The following GRIN2A variants were observed in gnomAD, a reference collection of about 807,000 sequenced individuals.
The protein encoded by GRIN2A is glutamate receptor ionotropic, NMDA 2A.
Under a neutral mutation model 113.4 loss-of-function variants are expected in GRIN2A, and 22 were observed. The observed-to-expected ratio is 0.19, with a 90% confidence interval of 0.14 to 0.28. GRIN2A has a LOEUF of 0.28. GRIN2A is among the 10% of genes least tolerant of loss of function. The pLI is 1.00. For missense variants in GRIN2A, 1,502 were observed against 1,887.0 expected (o/e 0.80, Z 3.78); for synonymous variants, 827 against 738.4 (o/e 1.12, Z -1.94).
intron 4 of GRIN2A, among the ~76,000 whole-genome samples, chr16:9,863,044 A>G (rs2043097923): frequency 6.6e-6 from 1 of 152,190 alleles, no homozygotes; most frequent in Non-Finnish European, 1.5e-5. Flanking sequence ...CAAACAGGGA[A>G]TTTAAGTGAC....
At chr16:9,907,476 G>T (rs1298023532) in intron 3 of GRIN2A, among the ~76,000 whole-genome samples, 1 of 152,122 alleles carries the variant, frequency 6.6e-6, no homozygotes, top group African/African-American at 2.4e-5. Flanking sequence ...AAGTGTGGCT[G>T]TAAGTAGACA....
In GRIN2A at chr16:9,925,467, C is replaced by T. The variant is rs377442584; in HGVS notation, c.1007+12492G>A. Among the ~76,000 whole-genome samples the T allele has an allele frequency of 1.2e-3, 179 of 152,244 alleles. 2 individuals carry two copies. In the South Asian group the frequency reaches 0.026, roughly 22 times the overall value. ...TGGGCCTTAGGCAGATCTCCATTTA[C>T]GCGGATCACTTTTCTCAGGTACTCT... On this transcript the variant is annotated intron_variant, in intron 3 of 12. Coordinates refer to ENST00000330684, the MANE Select transcript of GRIN2A (RefSeq NM_001134407.3).
chr16:9,922,590 C>A (rs749045868), intron 3 of GRIN2A, among the ~76,000 whole-genome samples: 1 of 152,170 alleles, frequency 6.6e-6, no homozygotes, highest in Non-Finnish European at 1.5e-5. Flanking sequence ...CCTGACTGTT[C>A]TGAGCAGCAA....
intron 4 of GRIN2A, among the ~76,000 whole-genome samples, chr16:9,879,516 T>G (rs187642262): frequency 6.6e-6 from 1 of 152,326 alleles, no homozygotes; most frequent in Admixed American, 6.5e-5. Context: ...TTCTCTCAGA[T>G]TCCGCGGCCA....
At chr16:9,980,384 T>A (rs36061863) in intron 2 of GRIN2A, among the ~76,000 whole-genome samples, 23,801 of 152,138 alleles carry the variant, frequency 0.16, 2,298 homozygotes, top group East Asian at 0.4. Context: ...TTTACACTGT[T>A]GGTGGGACTG....
intron 2 of GRIN2A, among the ~76,000 whole-genome samples, chr16:10,126,557 T>C (rs952364911): frequency 4.6e-5 from 7 of 152,230 alleles, no homozygotes; most frequent in Admixed American, 2.6e-4. Flanking sequence ...TATTCTCTAA[T>C]CACATGTTAC....
intron 4 of GRIN2A, among the ~76,000 whole-genome samples, chr16:9,881,523 T>C (rs2043480490): frequency 6.6e-6 from 1 of 152,186 alleles, no homozygotes; most frequent in Admixed American, 6.5e-5. Flanking sequence ...GAGGCAGGGC[T>C]AAGGCCTTTA....
At chr16:9,994,817 T>G (rs1439379104) in intron 2 of GRIN2A, among the ~76,000 whole-genome samples, 1 of 152,232 alleles carries the variant, frequency 6.6e-6, no homozygotes, top group African/African-American at 2.4e-5. Flanking sequence ...CTTTTTCCAG[T>G]GTCTCCTGTT....
At chr16:10,089,040 G>A (rs951972039) in intron 2 of GRIN2A, among the ~76,000 whole-genome samples, 1 of 152,148 alleles carries the variant, frequency 6.6e-6, no homozygotes, top group Non-Finnish European at 1.5e-5. Flanking sequence ...TAAAAAATGG[G>A]ATGACAATAA....
rs2141128690 is a variant in GRIN2A at position 9,763,650 on chromosome 16, T to C, written c.3894A>G (p.Lys1298=). ...RQHSYDNIVD[K]PRELDLSRPS... is the part of the protein sequence containing the mutation. Reference sequence around the variant, plus strand: ...GCCTGCTAAGGTCTAGCTCCCTAGGTTTGTCGACAATGTTATCGTAGGAAT... The same window carrying C: ...GCCTGCTAAGGTCTAGCTCCCTAGGCTTGTCGACAATGTTATCGTAGGAAT... Residue 1298 remains lysine (K), a synonymous_variant, in exon 13 of 13, where the codon AAA becomes AAG. Coordinates refer to ENST00000330684, the MANE Select transcript of GRIN2A (RefSeq NM_001134407.3). 1 of 1,613,356 alleles carries C rather than the reference T, an allele frequency of 6.2e-7. No individual in the cohort carries two copies. Among genetic ancestry groups the C allele is most frequent in the Non-Finnish European group, 8.5e-7 (1 of 1,179,972 alleles).
chr16:9,943,541 C>T (rs2044941664), intron 2 of GRIN2A, among the ~76,000 whole-genome samples: 1 of 152,178 alleles, frequency 6.6e-6, no homozygotes, highest in Non-Finnish European at 1.5e-5. Flanking sequence ...ACTTACATTC[C>T]ATTTACCCAT....
intron 2 of GRIN2A, among the ~76,000 whole-genome samples, chr16:10,034,930 T>C (rs2046997736): frequency 6.6e-6 from 1 of 152,232 alleles, no homozygotes; most frequent in Non-Finnish European, 1.5e-5. Context: ...CCTACAGTAA[T>C]CTTTCTAAAA....
Position 9,849,980 on chromosome 16 carries a change from G to C in GRIN2A, c.1123-19C>G, listed in dbSNP as rs188450053. The C allele has an allele frequency of 6.2e-7, 1 of 1,603,826 alleles. No homozygotes were observed. Among genetic ancestry groups the C allele is most frequent in the Non-Finnish European group, 8.5e-7 (1 of 1,170,936 alleles). ...TGCCCACCTGCAGCACAAACACAAAGACACAGCTGTGCTTTCTTCCGCCGC... is the reference window on the plus strand; with the variant it reads ...TGCCCACCTGCAGCACAAACACAAACACACAGCTGTGCTTTCTTCCGCCGC... On this transcript the variant is annotated intron_variant, in intron 4 of 12. Coordinates refer to ENST00000330684, the MANE Select transcript of GRIN2A (RefSeq NM_001134407.3).
rs760972725 is a variant in GRIN2A at position 9,829,618 on chromosome 16, A to T, written c.1812T>A (p.Ala604=). ...PHGPSFTIGK[A]IWLLWGLVFN... ...ACACCAGGCCCCAAAGAAGCCATAT[A>T]GCTTTTCCAATTGTAAAAGAAGGCC... The change falls in exon 9 of 13, where the codon GCT becomes GCA. Residue 604 remains alanine (A), a synonymous_variant. Coordinates refer to ENST00000330684, the MANE Select transcript of GRIN2A (RefSeq NM_001134407.3). 1.2e-6 allele frequency: 2 copies of T among 1,613,840 alleles called. No individual in the cohort carries two copies. Among genetic ancestry groups the T allele is most frequent in the African/African-American group, 1.3e-5 (1 of 74,930 alleles).
chr16:9,796,095 A>G (rs1406281785), intron 11 of GRIN2A, among the ~76,000 whole-genome samples: 1 of 152,232 alleles, frequency 6.6e-6, no homozygotes, highest in East Asian at 1.9e-4. Context: ...TGCATCCAGT[A>G]TGATGATTGA....
chr16:9,756,575 C>G lies in GRIN2A; in HGVS notation c.*6574G>C. On this transcript the variant is annotated 3_prime_UTR_variant, in exon 13 of 13. Transcript: ENST00000330684. ...AACGTTAGGGATTTACTAGCTAATT[C>G]TAGTTGCTGACGAGGTTGAGAAAAA... 1 of 202,944 alleles carries G rather than the reference C, an allele frequency of 4.9e-6. No homozygotes were observed. The highest frequency in any genetic ancestry group is 6.0e-5 in the Admixed American group (1 of 16,716). 12.6% of individuals were successfully genotyped at this position (202,944 alleles called of 1,614,324 possible).
intron 2 of GRIN2A, among the ~76,000 whole-genome samples, chr16:10,003,918 G>T (rs74976121): frequency 0.017 from 2,610 of 152,192 alleles, 84 homozygotes; most frequent in African/African-American, 0.058. Flanking sequence ...TCACACGTCC[G>T]CATTGCCTCA....
chr16:10,045,789 T>C (rs1479406291), intron 2 of GRIN2A, among the ~76,000 whole-genome samples: 2 of 152,212 alleles, frequency 1.3e-5, no homozygotes, highest in East Asian at 3.8e-4. Context: ...TTTTCCAAGC[T>C]GATGGAGTCC....
At chr16:9,948,643 C>T (rs935284329) in intron 2 of GRIN2A, among the ~76,000 whole-genome samples, 6 of 152,200 alleles carry the variant, frequency 3.9e-5, no homozygotes, top group African/African-American at 1.4e-4. Flanking sequence ...TGTCAGTCCC[C>T]ATCGTCTTAT....
Sources: allele counts gnomAD v4.1 joint callset (sites outside exome capture counted in the v4.1 genomes callset), GRCh38; gene constraint gnomAD v4.1.1; transcripts MANE v1.5; gene names NCBI Gene and HGNC (gene_info 2026-07-23, HGNC 2026-07-21).